The following NEDD4 variants were observed in gnomAD, a reference collection of about 807,000 sequenced individuals.
NEDD4 encodes the protein E3 ubiquitin-protein ligase NEDD4.
A neutral mutation model predicts 144.9 loss-of-function variants in NEDD4; 99 were observed. That is an observed-to-expected ratio of 0.68 (90% confidence interval 0.58 to 0.81). The LOEUF (loss-of-function observed/expected upper bound fraction) is 0.81, where lower values mean the gene tolerates loss of function less well. NEDD4 is among the 30% of genes least tolerant of loss of function. NEDD4 has a pLI of 0.00. For missense variants in NEDD4, 985 were observed against 1,065.9 expected (o/e 0.92, Z 1.06); for synonymous variants, 318 against 350.6 (o/e 0.91, Z 1.04).
Position 55,838,559 on chromosome 15 carries a change from G to C in NEDD4, c.2077C>G (p.Pro693Ala), listed in dbSNP as rs766876077. ...NSLRWILEND[P>A]TELDLRFIID... is the part of the protein sequence containing the mutation. Reference sequence around the variant, plus strand: ...ATAAACCTGAGGTCCAATTCTGTTGGGTCATTTTCAAGAATCCATCTTAGG... The same window carrying C: ...ATAAACCTGAGGTCCAATTCTGTTGCGTCATTTTCAAGAATCCATCTTAGG... The change falls in exon 22 of 29, where the codon CCA becomes GCA. Residue 693 changes from proline to alanine, a missense_variant. Pro to Ala is a conservative substitution (Grantham distance 27). Coordinates refer to ENST00000435532, the MANE Select transcript of NEDD4 (RefSeq NM_006154.4). 1.9e-6 allele frequency: 3 copies of C among 1,612,588 alleles called. No homozygotes were observed. Among genetic ancestry groups the C allele is most frequent in the Non-Finnish European group, 2.5e-6 (3 of 1,179,282 alleles).
chr15:55,920,888 T>C (rs180744256), intron 5 of NEDD4, among the ~76,000 whole-genome samples: 1 of 152,290 alleles, frequency 6.6e-6, no homozygotes, highest in East Asian at 1.9e-4. Context: ...AGGACTAGAA[T>C]GACACACACC....
intron 4 of NEDD4, among the ~76,000 whole-genome samples, chr15:55,926,721 G>A (rs1344725670): frequency 4.6e-5 from 7 of 152,098 alleles, no homozygotes; most frequent in South Asian, 2.1e-4. Context: ...AGCCGAGATC[G>A]TGCCACTGCA....
chr15:55,881,685 C>A (rs2035199034), intron 5 of NEDD4, among the ~76,000 whole-genome samples: 1 of 151,706 alleles, frequency 6.6e-6, no homozygotes, highest in Non-Finnish European at 1.5e-5. Context: ...TATTAAATAG[C>A]CTTGTCCTGA....
chr15:55,840,035 T>TATAC (rs2033428824), intron 21 of NEDD4, among the ~76,000 whole-genome samples: 1 of 74,808 alleles, frequency 1.3e-5, no homozygotes, highest in South Asian at 4.1e-4. Flanking sequence ...TATATATATA[T>TATAC]ATATATAACA....
At chr15:55,917,259 T>A in intron 5 of NEDD4, 1 of 662,348 alleles carries the variant, frequency 1.5e-6, no homozygotes, top group South Asian at 6.3e-5. Flanking sequence ...CCAGCTCTAC[T>A]AAATGAACAT....
At position 55,951,555 on chromosome 15, in the gene NEDD4, T is replaced by A. The variant is rs370103713; in HGVS notation, c.154A>T (p.Met52Leu). ...PYVRVTLYDP[M>L]NGVLTSVQTK... Reference sequence around the variant, plus strand: ...TGCACACTTGTAAGAACTCCATTCATTGGGTCATATAACGTCACTCTCACG... The same window carrying A: ...TGCACACTTGTAAGAACTCCATTCAATGGGTCATATAACGTCACTCTCACG... Residue 52 changes from methionine (M) to leucine (L), a missense_variant, in exon 3 of 29, where the codon ATG (methionine) becomes TTG (leucine). By Grantham distance (15) the Met-to-Leu change is conservative. Coordinates refer to ENST00000435532, the MANE Select transcript of NEDD4 (RefSeq NM_006154.4). 1.3e-6 allele frequency: 2 copies of A among 1,528,892 alleles called. No individual in the cohort carries two copies. Among genetic ancestry groups the A allele is most frequent in the Admixed American group, 4.2e-5 (2 of 47,282 alleles). 94.7% of individuals were successfully genotyped at this position (1,528,892 alleles called of 1,614,324 possible).
chr15:55,898,620 C>G (rs2035810471), intron 5 of NEDD4, among the ~76,000 whole-genome samples: 1 of 147,638 alleles, frequency 6.8e-6, no homozygotes, highest in African/African-American at 2.5e-5. Context: ...TTTTGTATTT[C>G]ACAAAAAGAA....
chr15:55,832,174 C>A (rs2032981962), intron 27 of NEDD4, among the ~76,000 whole-genome samples: 1 of 132,210 alleles, frequency 7.6e-6, no homozygotes, highest in Non-Finnish European at 1.6e-5. Flanking sequence ...TTCTCCACCC[C>A]TATCTTGAAA....
At chr15:55,865,741 C>A (rs188390898) in intron 8 of NEDD4, among the ~76,000 whole-genome samples, 1 of 151,770 alleles carries the variant, frequency 6.6e-6, no homozygotes, top group African/African-American at 2.4e-5. Context: ...GAAGGCTAGA[C>A]CTGAAAACGA....
At chr15:55,899,194 C>G (rs1355607344) in intron 5 of NEDD4, among the ~76,000 whole-genome samples, 1 of 152,012 alleles carries the variant, frequency 6.6e-6, no homozygotes, top group Non-Finnish European at 1.5e-5. Context: ...TTTTAATTCT[C>G]TCTCTCTCTT....
chr15:55,861,552 T>G (rs1407062356), intron 9 of NEDD4, among the ~76,000 whole-genome samples: 2 of 152,184 alleles, frequency 1.3e-5, no homozygotes, highest in Non-Finnish European at 2.9e-5. Flanking sequence ...TTGGATTGTT[T>G]GTAACAAAAA....
intron 5 of NEDD4, among the ~76,000 whole-genome samples, chr15:55,876,121 G>T (rs368605449): frequency 1.3e-5 from 2 of 152,132 alleles, no homozygotes; most frequent in Admixed American, 6.5e-5. Flanking sequence ...TGCTGAAATG[G>T]AAAATGTACC....
At chr15:55,969,047 G>C (rs1391920845) in intron 1 of NEDD4, among the ~76,000 whole-genome samples, 1 of 152,206 alleles carries the variant, frequency 6.6e-6, no homozygotes, top group Non-Finnish European at 1.5e-5. Context: ...AGGAAAGACA[G>C]TCTTGAATTG....
Position 55,846,950 on chromosome 15 carries a change from T to C in NEDD4, c.1608+19A>G, listed in dbSNP as rs771713739. On this transcript the variant is annotated intron_variant, in intron 18 of 28. Coordinates refer to ENST00000435532, the MANE Select transcript of NEDD4 (RefSeq NM_006154.4). ...TATATATTGATGACTCTTAAGTATT[T>C]ATTATAAACATGACTAACCTGCTTC... The C allele has an allele frequency of 6.8e-7, 1 of 1,475,384 alleles. No homozygotes were observed. Among genetic ancestry groups the C allele is most frequent in the South Asian group, 1.2e-5 (1 of 86,392 alleles). The allele number at this position is 1,475,384 out of a possible 1,614,324, so 91.4% of individuals were successfully genotyped here.
intron 4 of NEDD4, among the ~76,000 whole-genome samples, chr15:55,941,967 AAAG>A (rs1251456170): frequency 1.3e-5 from 2 of 152,240 alleles, no homozygotes; most frequent in African/African-American, 2.4e-5. Flanking sequence ...GGGCATATAA[AAAG>A]AATATACACT....
chr15:55,841,350 C>T (rs2033492613), intron 19 of NEDD4, among the ~76,000 whole-genome samples: 3 of 152,192 alleles, frequency 2.0e-5, no homozygotes. Flanking sequence ...GTGAAATGAG[C>T]TGGTCACAAA....
intron 5 of NEDD4, among the ~76,000 whole-genome samples, chr15:55,917,754 T>C (rs548866009): frequency 1.3e-5 from 2 of 152,212 alleles, no homozygotes; most frequent in South Asian, 4.1e-4. Flanking sequence ...AGTCTTTAAA[T>C]GATGCCATTT....
intron 5 of NEDD4, among the ~76,000 whole-genome samples, chr15:55,918,302 T>C (rs2036502511): frequency 6.6e-6 from 1 of 152,178 alleles, no homozygotes; most frequent in South Asian, 2.1e-4. Flanking sequence ...CAAAATTTAA[T>C]ATTTTAATTT....
intron 4 of NEDD4, among the ~76,000 whole-genome samples, chr15:55,948,269 G>T (rs1487258381): frequency 6.6e-6 from 1 of 152,102 alleles, no homozygotes; most frequent in East Asian, 1.9e-4. Context: ...TCTTCAAGGA[G>T]AACTACTCAA....
Sources: allele counts gnomAD v4.1 joint callset (sites outside exome capture counted in the v4.1 genomes callset), GRCh38; gene constraint gnomAD v4.1.1; transcripts MANE v1.5; gene names NCBI Gene and HGNC (gene_info 2026-07-23, HGNC 2026-07-21).